Variants in AKAP6 observed in about 807,000 individuals in gnomAD.
The protein encoded by AKAP6 is A-kinase anchoring protein 6.
AKAP6 carries 58 observed loss-of-function variants against 188.5 expected under a neutral mutation model. That is an observed-to-expected ratio of 0.31 (90% CI 0.25 to 0.38). The LOEUF (loss-of-function observed/expected upper bound fraction) is 0.38, where lower values mean the gene tolerates loss of function less well. Among genes scored for constraint, AKAP6 ranks in the 10% least tolerant of loss-of-function variants. The pLI is 1.00. For synonymous variants in AKAP6, 989 were observed against 998.6 expected (o/e 0.99, Z 0.18); for missense variants, 2,710 against 2,740.0 (o/e 0.99, Z 0.24).
At chr14:32,779,649 CAG>C (rs1471886322) in intron 12 of AKAP6, among the ~76,000 whole-genome samples, 1 of 151,996 alleles carries the variant, frequency 6.6e-6, no homozygotes, top group Non-Finnish European at 1.5e-5. Context: ...TGCTCTAAAA[CAG>C]AGCTTTAAAA....
intron 1 of AKAP6, among the ~76,000 whole-genome samples, chr14:32,331,363 G>A (rs1886526514): frequency 6.6e-6 from 1 of 152,042 alleles, no homozygotes; most frequent in Admixed American, 6.6e-5. Flanking sequence ...AAAAAGTGGA[G>A]TCATGCTTTG....
At chr14:32,572,655 G>A (rs1884544485) in intron 4 of AKAP6, among the ~76,000 whole-genome samples, 1 of 152,200 alleles carries the variant, frequency 6.6e-6, no homozygotes, top group Non-Finnish European at 1.5e-5. Flanking sequence ...GACTGTAAGT[G>A]TTCACTGTGA....
chr14:32,697,632 C>G (rs1000096216), intron 9 of AKAP6, among the ~76,000 whole-genome samples: 1 of 152,122 alleles, frequency 6.6e-6, no homozygotes, highest in Non-Finnish European at 1.5e-5. Context: ...GCCATTATCT[C>G]GGACTTTATT....
intron 1 of AKAP6, among the ~76,000 whole-genome samples, chr14:32,342,358 ATCCTAAGCCC>A (rs908940316): frequency 6.6e-6 from 1 of 152,178 alleles, no homozygotes; most frequent in Non-Finnish European, 1.5e-5. Flanking sequence ...ACTGGGAGTC[ATCCTAAGCCC>A]TCTCTTCCAT....
intron 7 of AKAP6, among the ~76,000 whole-genome samples, chr14:32,630,113 C>T (rs919015122): frequency 7.2e-5 from 11 of 152,078 alleles, no homozygotes; most frequent in Admixed American, 5.2e-4. Flanking sequence ...AGTACCAGCT[C>T]TCAACTGCCT....
chr14:32,353,193 C>T (rs1243929523), intron 1 of AKAP6, among the ~76,000 whole-genome samples: 5 of 152,154 alleles, frequency 3.3e-5, no homozygotes, highest in Non-Finnish European at 7.3e-5. Flanking sequence ...CTCCTTGGTA[C>T]AAACCTACAA....
intron 7 of AKAP6, among the ~76,000 whole-genome samples, chr14:32,642,586 G>A (rs72667990): frequency 0.012 from 1,763 of 152,252 alleles, 13 homozygotes; most frequent in Non-Finnish European, 0.02. Context: ...TGGGCTCAGA[G>A]GAGAGCAACA....
chr14:32,771,515 A>C (rs182070838), intron 11 of AKAP6, among the ~76,000 whole-genome samples: 3 of 152,152 alleles, frequency 2.0e-5, no homozygotes, highest in Non-Finnish European at 4.4e-5. Flanking sequence ...AGATACTTAC[A>C]AAAAAATTTA....
intron 4 of AKAP6, among the ~76,000 whole-genome samples, chr14:32,563,682 A>G (rs1380483440): frequency 4.6e-5 from 7 of 152,156 alleles, no homozygotes; most frequent in African/African-American, 1.7e-4. Context: ...TGTGATGGCC[A>G]CCCCAGGTTC....
At chr14:32,482,803 A>C (rs1258762367) in intron 2 of AKAP6, among the ~76,000 whole-genome samples, 2 of 152,192 alleles carry the variant, frequency 1.3e-5, no homozygotes, top group Non-Finnish European at 2.9e-5. Flanking sequence ...ACAACTGCAT[A>C]GTTTTCTACC....
intron 12 of AKAP6, among the ~76,000 whole-genome samples, chr14:32,805,395 A>G (rs562389303): frequency 3.9e-5 from 6 of 152,318 alleles, no homozygotes; most frequent in Non-Finnish European, 7.3e-5. Context: ...GTGGACTAAG[A>G]TATTGAAATT....
chr14:32,459,724 C>T (rs1891261032), intron 2 of AKAP6, among the ~76,000 whole-genome samples: 1 of 144,626 alleles, frequency 6.9e-6, no homozygotes, highest in Non-Finnish European at 1.5e-5. Flanking sequence ...CAAATTGTCA[C>T]CGAAATTTGT....
intron 7 of AKAP6, among the ~76,000 whole-genome samples, chr14:32,667,746 G>T (rs914825748): frequency 1.3e-5 from 2 of 151,914 alleles, no homozygotes; most frequent in African/African-American, 2.4e-5. Flanking sequence ...CAGTATAAAG[G>T]CACACTTGTT....
intron 1 of AKAP6, among the ~76,000 whole-genome samples, chr14:32,382,531 T>G (rs1213396899): frequency 2.0e-5 from 3 of 152,228 alleles, no homozygotes; most frequent in Non-Finnish European, 4.4e-5. Context: ...TTGTAAGTGC[T>G]CAATAAATGT....
chr14:32,630,183 T>C lies in AKAP6; in HGVS notation c.2730+29391T>C, dbSNP rs1332206370. 5.3e-5 allele frequency among the ~76,000 whole-genome samples: 8 copies of C among 152,062 alleles called. No individual in the cohort carries two copies. In the East Asian group the frequency reaches 1.4e-3, roughly 26 times the overall value. On this transcript the variant is annotated intron_variant, in intron 7 of 13. Coordinates refer to ENST00000280979, the MANE Select transcript of AKAP6 (RefSeq NM_004274.5). ...AACACGTAGACGTTTTAATTGAAGATCTCATTTCATCTTAAACTTGGGCTT... is the reference window on the plus strand; with the variant it reads ...AACACGTAGACGTTTTAATTGAAGACCTCATTTCATCTTAAACTTGGGCTT...
chr14:32,434,108 G>T, intron 2 of AKAP6: 1 of 296,506 alleles, frequency 3.4e-6, no homozygotes, highest in Admixed American at 4.5e-5. Context: ...CAGAATAAAA[G>T]TATTTAAAAA....
rs79566944 is a variant in AKAP6, at chr14:32,572,924, G to A, written c.2347-4196G>A. 4.3e-3 allele frequency among the ~76,000 whole-genome samples: 659 copies of A among 152,236 alleles called. 1 individual carries two copies. The highest frequency in any genetic ancestry group is 7.4e-3 in the Non-Finnish European group (501 of 68,008). On this transcript the variant is annotated intron_variant, in intron 4 of 13. Transcript: ENST00000280979. ...CCATTTTCTTCTGTTTGATGACCAG[G>A]ATTTCTCCTGGGGGTTGAATCCTGG...
At chr14:32,455,252 G>A (rs1023641856) in intron 2 of AKAP6, among the ~76,000 whole-genome samples, 2 of 151,964 alleles carry the variant, frequency 1.3e-5, no homozygotes, top group African/African-American at 2.4e-5. Context: ...ACAAGTGTGA[G>A]CCACCATGCC....
At chr14:32,454,822 TC>T (rs1891094022) in intron 2 of AKAP6, among the ~76,000 whole-genome samples, 1 of 40,746 alleles carries the variant, frequency 2.5e-5, no homozygotes. Flanking sequence ...CCTCCCTCCT[TC>T]CCTCCTTCTC....
Sources: allele counts gnomAD v4.1 joint callset (sites outside exome capture counted in the v4.1 genomes callset), GRCh38; gene constraint gnomAD v4.1.1; transcripts MANE v1.5; gene names NCBI Gene and HGNC (gene_info 2026-07-23, HGNC 2026-07-21).